The following SDK1 variants were observed in gnomAD, a reference collection of about 807,000 sequenced individuals.
SDK1 encodes protein sidekick-1.
Under a neutral mutation model 245.5 loss-of-function variants are expected in SDK1, and 157 were observed. The ratio of observed to expected loss-of-function variants is 0.64; its 90% confidence interval spans 0.56 to 0.73. SDK1 has a LOEUF of 0.73. Among genes scored for constraint, SDK1 ranks in the 30% least tolerant of loss-of-function variants. The pLI, the probability that SDK1 is intolerant of heterozygous loss-of-function variation, is 0.00. For missense variants in SDK1, 3,583 were observed against 3,002.3 expected, an observed-to-expected ratio of 1.19 and a Z score of -4.52; for synonymous variants, 1,647 against 1,278.5, an observed-to-expected ratio of 1.29 and a Z score of -6.15.
At chr7:3,694,756 A>T (rs1784527642) in intron 4 of SDK1, among the ~76,000 whole-genome samples, 1 of 152,138 alleles carries the variant, frequency 6.6e-6, no homozygotes, top group African/African-American at 2.4e-5. Context: ...CCAGGAACCT[A>T]CGTTTTTACA....
At chr7:3,393,846 T>C (rs1422869422) in intron 1 of SDK1, among the ~76,000 whole-genome samples, 1 of 152,218 alleles carries the variant, frequency 6.6e-6, no homozygotes, top group East Asian at 1.9e-4. Flanking sequence ...CACTGTTGTC[T>C]TATTTAGTTC....
chr7:3,625,762 C>T (rs1299202663), intron 2 of SDK1, among the ~76,000 whole-genome samples: 1 of 152,124 alleles, frequency 6.6e-6, no homozygotes, highest in Non-Finnish European at 1.5e-5. Context: ...GCTAAACCTG[C>T]TGGCTGTGGT....
chr7:3,774,082 GC>G (rs1160654585), intron 4 of SDK1, among the ~76,000 whole-genome samples: 1 of 152,090 alleles, frequency 6.6e-6, no homozygotes, highest in African/African-American at 2.4e-5. Flanking sequence ...AGGCATGGTG[GC>G]GGGTGCCTGT....
chr7:3,667,237 A>G (rs933593512), intron 4 of SDK1, among the ~76,000 whole-genome samples: 3 of 152,220 alleles, frequency 2.0e-5, no homozygotes, highest in Non-Finnish European at 4.4e-5. Context: ...TAATTTTATT[A>G]TAACCATATT....
intron 1 of SDK1, among the ~76,000 whole-genome samples, chr7:3,438,501 C>T (rs891801762): frequency 2.6e-5 from 4 of 152,178 alleles, no homozygotes; most frequent in African/African-American, 7.2e-5. Context: ...GTGAGGACAG[C>T]TGCAGAGACA....
chr7:3,832,114 G>C (rs898759536), intron 5 of SDK1, among the ~76,000 whole-genome samples: 1 of 152,074 alleles, frequency 6.6e-6, no homozygotes, highest in Non-Finnish European at 1.5e-5. Context: ...TAAACAAGAG[G>C]CCATAAGGTC....
At position 4,132,375 on chromosome 7, in the gene SDK1, G is replaced by A. The variant is rs765659787; in HGVS notation, c.4180G>A (p.Val1394Met). ...GTTCCCCGAAGTGAGACTCACCTCC[G>A]TGCGGATAGTGTGGCAACCTCCGGA... ...LVFPEVRLTS[V>M]RIVWQPPEEP... Residue 1394 changes from valine (V) to methionine (M), a missense_variant, in exon 28 of 45, where the codon GTG becomes ATG. Coordinates refer to ENST00000404826, the MANE Select transcript of SDK1 (RefSeq NM_152744.4). 14 of 1,613,032 alleles carry A rather than the reference G, an allele frequency of 8.7e-6. No individual in the cohort carries two copies. In the Admixed American group the frequency reaches 1.5e-4, roughly 17 times the overall value.
At chr7:3,444,064 C>G (rs1780274634) in intron 1 of SDK1, among the ~76,000 whole-genome samples, 1 of 152,218 alleles carries the variant, frequency 6.6e-6, no homozygotes, top group Admixed American at 6.5e-5. Flanking sequence ...AGCTCTCTCC[C>G]AGACTCCTAT....
chr7:4,151,313 C>T (rs1780365259), intron 30 of SDK1, among the ~76,000 whole-genome samples: 2 of 152,194 alleles, frequency 1.3e-5, no homozygotes, highest in Admixed American at 6.5e-5. Flanking sequence ...TCTGCAGTCT[C>T]ATGGTCCAAG....
At chr7:3,734,727 C>T (rs924221914) in intron 4 of SDK1, among the ~76,000 whole-genome samples, 1 of 152,224 alleles carries the variant, frequency 6.6e-6, no homozygotes, top group Non-Finnish European at 1.5e-5. Flanking sequence ...GTAATGAGTG[C>T]CGCTCAAGTG....
At chr7:3,532,309 A>G (rs1347350960) in intron 1 of SDK1, among the ~76,000 whole-genome samples, 1 of 152,176 alleles carries the variant, frequency 6.6e-6, no homozygotes, top group African/African-American at 2.4e-5. Context: ...GTGAGGGTGT[A>G]GGGAAGAAAG....
intron 2 of SDK1, among the ~76,000 whole-genome samples, chr7:3,638,561 A>C (rs1782541700): frequency 6.9e-6 from 1 of 145,554 alleles, no homozygotes; most frequent in African/African-American, 2.5e-5. Flanking sequence ...GCATGTTCTC[A>C]CTCATAGGTG....
chr7:3,498,128 C>G lies in SDK1; in HGVS notation c.299-120952C>G, dbSNP rs557541668. 2.1e-3 allele frequency among the ~76,000 whole-genome samples: 327 copies of G among 152,320 alleles called. 3 individuals are homozygous for G. The highest frequency in any genetic ancestry group is 3.6e-3 in the Non-Finnish European group (246 of 68,018). Reference sequence around the variant, plus strand: ...AAGTTTCAAAACTTTATTCTTAAAACTAATTTGGGCCTCTTTGTAAAATTC... The same window carrying G: ...AAGTTTCAAAACTTTATTCTTAAAAGTAATTTGGGCCTCTTTGTAAAATTC... On this transcript the variant is annotated intron_variant, in intron 1 of 44. Transcript: ENST00000404826.
chr7:4,056,984 A>T (rs1779244628), intron 19 of SDK1, among the ~76,000 whole-genome samples: 1 of 152,078 alleles, frequency 6.6e-6, no homozygotes, highest in Admixed American at 6.5e-5. Flanking sequence ...GCAAAGCACA[A>T]ACCATTGGCA....
chr7:3,556,614 A>G (rs761446556), intron 1 of SDK1, among the ~76,000 whole-genome samples: 1 of 151,888 alleles, frequency 6.6e-6, no homozygotes, highest in African/African-American at 2.4e-5. Context: ...TCAGGTCAGG[A>G]TTTTGAGACC....
intron 2 of SDK1, among the ~76,000 whole-genome samples, chr7:3,636,675 G>C (rs559659526): frequency 1.8e-4 from 27 of 152,234 alleles, no homozygotes; most frequent in Non-Finnish European, 4.0e-4. Flanking sequence ...TGGGAGGGCA[G>C]ACATCTGAGA....
At chr7:4,064,174 T>C (rs1172063986) in intron 19 of SDK1, among the ~76,000 whole-genome samples, 1 of 152,180 alleles carries the variant, frequency 6.6e-6, no homozygotes, top group Non-Finnish European at 1.5e-5. Flanking sequence ...ATTTGCAAAC[T>C]ATTCATCTGG....
intron 17 of SDK1, among the ~76,000 whole-genome samples, chr7:4,032,376 C>T (rs923793047): frequency 6.6e-6 from 1 of 152,176 alleles, no homozygotes; most frequent in East Asian, 1.9e-4. Flanking sequence ...CTCAAGCTCT[C>T]AAATCTGCAT....
chr7:3,860,483 A>C (rs572242621), intron 5 of SDK1, among the ~76,000 whole-genome samples: 3 of 152,360 alleles, frequency 2.0e-5, no homozygotes, highest in African/African-American at 7.2e-5. Context: ...TCAAGTTGTC[A>C]AACATTTAAG....
Sources: allele counts gnomAD v4.1 joint callset (sites outside exome capture counted in the v4.1 genomes callset), GRCh38; gene constraint gnomAD v4.1.1; transcripts MANE v1.5; gene names NCBI Gene and HGNC (gene_info 2026-07-23, HGNC 2026-07-21).